Variants in PIWIL1 observed in about 807,000 individuals in gnomAD.
The protein encoded by PIWIL1 is piwi-like protein 1.
A neutral mutation model predicts 114.4 loss-of-function variants in PIWIL1; 73 were observed. The observed-to-expected ratio is 0.64, with a 90% CI of 0.53 to 0.78. The LOEUF (loss-of-function observed/expected upper bound fraction) is 0.78, where lower values mean the gene tolerates loss of function less well. Among genes scored for constraint, PIWIL1 ranks in the 30% least tolerant of loss-of-function variants. The probability of loss-of-function intolerance (pLI) is 0.00; values close to 1 mark genes in which losing one functional copy is unlikely to be tolerated. For synonymous variants in PIWIL1, 375 were observed against 369.0 expected (o/e 1.02, Z -0.19); for missense variants, 723 against 1,063.1 (o/e 0.68, Z 4.45).
chr12:130,367,309 C>A, intron 19 of PIWIL1, 51 bp downstream of exon 19: 1 of 1,561,314 alleles, frequency 6.4e-7, no homozygotes, highest in Non-Finnish European at 8.7e-7. Context: ...GTGGTGGTTT[C>A]TTTAGCATGG....
At chr12:130,346,711 A>G (rs1360227957) in intron 5 of PIWIL1, 127 bp downstream of exon 5, 2 of 873,206 alleles carry the variant, frequency 2.3e-6, no homozygotes, top group East Asian at 2.6e-5. Flanking sequence ...GAATAAACAC[A>G]TAGGGTACTT....
chr12:130,343,197 C>A, intron 3 of PIWIL1, 96 bp downstream of exon 3: 2 of 741,130 alleles, frequency 2.7e-6, no homozygotes, highest in Non-Finnish European at 4.4e-6. Flanking sequence ...TGTGCTGAAA[C>A]TGTTTAAGAA....
chr12:130,355,436 G>A (rs2073337616), intron 11 of PIWIL1, 117 bp from the exon 12 acceptor site: 7 of 765,514 alleles, frequency 9.1e-6, no homozygotes, highest in South Asian at 7.7e-5. Flanking sequence ...TCTCACCAGC[G>A]CCTTCACCCT....
chr12:130,354,935 G>A lies in PIWIL1; in HGVS notation c.1219G>A (p.Ala407Thr). The change falls in exon 11 of 21, where the codon GCC becomes ACC. Residue 407 changes from alanine to threonine, a missense_variant. Physicochemically the swap from Ala to Thr is moderately conservative, Grantham distance 58 (BLOSUM62 0). Transcript: ENST00000245255. The part of the protein sequence containing the change: ...RNDFNVMKDL[A>T]VHTRLTPEQR... ...TGATTTTAACGTGATGAAAGACTTA[G>A]CCGTTCATACAAGACTAACTCCAGA... The A allele has an allele frequency of 1.2e-6, 2 of 1,614,010 alleles. No homozygotes were observed. Among genetic ancestry groups the A allele is most frequent in the Non-Finnish European group, 1.7e-6 (2 of 1,179,876 alleles).
chr12:130,397,655 G>A, the PIWIL1 span: 7 of 395,512 alleles, frequency 1.8e-5, no homozygotes, highest in African/African-American at 8.2e-5. Context: ...GGTCAGGGGG[G>A]TTCATTTGTT....
chr12:130,425,238 T>C, the PIWIL1 span: 3 of 174,434 alleles, frequency 1.7e-5, no homozygotes, highest in Non-Finnish European at 3.6e-5. Flanking sequence ...GCCCGGGGGC[T>C]ACATCCTCAG....
chr12:130,410,486 A>G, the PIWIL1 span, among the ~76,000 whole-genome samples: 2 of 152,202 alleles, frequency 1.3e-5, no homozygotes, highest in African/African-American at 4.8e-5. Context: ...TGGAAATATT[A>G]GAGTCTTAAT....
the PIWIL1 span, chr12:130,406,339 A>C: frequency 1.3e-6 from 1 of 762,236 alleles, no homozygotes; most frequent in Non-Finnish European, 2.2e-6. Context: ...ACTATTTGAG[A>C]ATTTCTGGTA....
the PIWIL1 span, among the ~76,000 whole-genome samples, chr12:130,403,364 A>AACTT: frequency 6.6e-6 from 1 of 152,220 alleles, no homozygotes; most frequent in Non-Finnish European, 1.5e-5. Context: ...ATAATATAAA[A>AACTT]ACTTAGGGAA....
chr12:130,392,355 T>G, the PIWIL1 span, among the ~76,000 whole-genome samples: 32 of 72,350 alleles, frequency 4.4e-4, no homozygotes, highest in Non-Finnish European at 9.3e-4. Context: ...AATGTTGTGA[T>G]GACCCGGTCA....
At chr12:130,373,726 G>GA (rs1223039382), downstream of PIWIL1, among the ~76,000 whole-genome samples, 1 of 152,154 alleles carries the variant, frequency 6.6e-6, no homozygotes, top group Non-Finnish European at 1.5e-5. Context: ...AATGCTAGTT[G>GA]AAAGGGGTCT....
chr12:130,423,517 T>C, the PIWIL1 span, among the ~76,000 whole-genome samples: 3 of 152,060 alleles, frequency 2.0e-5, no homozygotes, highest in African/African-American at 7.2e-5. Flanking sequence ...AAGCCTTCAA[T>C]GAATCCCTAT....
the PIWIL1 span, among the ~76,000 whole-genome samples, chr12:130,404,088 C>T: frequency 3.3e-5 from 5 of 151,944 alleles, no homozygotes. Flanking sequence ...AAAATGATGA[C>T]AAATTATAAA....
intron 12 of PIWIL1, 115 bp from the exon 13 acceptor site, chr12:130,356,803 A>G (rs2136164820): frequency 1.5e-6 from 1 of 653,042 alleles, no homozygotes; most frequent in Non-Finnish European, 2.5e-6. Flanking sequence ...TAATTCAAGC[A>G]TAAAAGTAGT....
chr12:130,415,063 A>G, the PIWIL1 span, among the ~76,000 whole-genome samples: 1 of 152,212 alleles, frequency 6.6e-6, no homozygotes, highest in Non-Finnish European at 1.5e-5. Flanking sequence ...TGAAGCCAAC[A>G]TCACCCTGAT....
At chr12:130,377,915 A>G in the PIWIL1 span, among the ~76,000 whole-genome samples, 2 of 152,214 alleles carry the variant, frequency 1.3e-5, no homozygotes, top group African/African-American at 4.8e-5. Flanking sequence ...CGGGAGTAGT[A>G]CATGTACCTT....
At chr12:130,375,107 C>G (rs527454441), downstream of PIWIL1, among the ~76,000 whole-genome samples, 19 of 152,252 alleles carry the variant, frequency 1.2e-4, no homozygotes, top group African/African-American at 3.6e-4. Context: ...CTCCCTTTGC[C>G]ACTTTATGCT....
At chr12:130,346,621 C>A in intron 5 of PIWIL1, 37 bp downstream of exon 5, 1 of 1,488,886 alleles carries the variant, frequency 6.7e-7, no homozygotes, top group Non-Finnish European at 9.4e-7. Flanking sequence ...ATTTCCACTT[C>A]AAAGCAGAAC....
chr12:130,409,332 CTTTTTTT>C, the PIWIL1 span, among the ~76,000 whole-genome samples: 309 of 65,362 alleles, frequency 4.7e-3, 1 homozygote, highest in East Asian at 0.014. Context: ...CAAAATGTAG[CTTTTTTT>C]TTTTTTTTTT....
Sources: gnomAD v4.1 joint callset for allele counts (sites outside exome capture counted in the v4.1 genomes callset) on GRCh38, gnomAD v4.1.1 for gene constraint, MANE v1.5 for transcripts, NCBI Gene and HGNC (gene_info 2026-07-23, HGNC 2026-07-21) for gene names.